KCNMB2: variants seen among roughly 807,000 people sequenced by gnomAD.
KCNMB2 encodes the protein calcium-activated potassium channel subunit beta-2.
Under a neutral mutation model 24.5 loss-of-function variants are expected in KCNMB2, and 9 were observed. The ratio of observed to expected loss-of-function variants is 0.37; its 90% confidence interval spans 0.22 to 0.64. The LOEUF (loss-of-function observed/expected upper bound fraction) is 0.64. KCNMB2 is among the 30% of genes least tolerant of loss of function. The pLI is 0.63. For synonymous variants in KCNMB2, 109 were observed against 104.4 expected (o/e 1.04, Z -0.27); for missense variants, 226 against 284.3 (o/e 0.79, Z 1.47).
intron 1 of KCNMB2, among the ~76,000 whole-genome samples, chr3:178,673,428 A>G (rs1392950560): frequency 6.6e-6 from 1 of 152,030 alleles, no homozygotes; most frequent in Admixed American, 6.5e-5. Context: ...CTCTCAGCTA[A>G]TGACCTTAAT....
intron 1 of KCNMB2, among the ~76,000 whole-genome samples, chr3:178,629,324 A>G (rs903942856): frequency 6.6e-6 from 1 of 152,222 alleles, no homozygotes; most frequent in African/African-American, 2.4e-5. Context: ...GCAAGGATAA[A>G]CTAAATGCAA....
intron 1 of KCNMB2, among the ~76,000 whole-genome samples, chr3:178,588,646 T>C (rs1485014568): frequency 2.0e-5 from 3 of 152,126 alleles, no homozygotes; most frequent in Non-Finnish European, 4.4e-5. Context: ...ATATCATATG[T>C]ATATATGAGT....
intron 1 of KCNMB2, among the ~76,000 whole-genome samples, chr3:178,638,780 G>C (rs914251102): frequency 7.2e-5 from 11 of 152,250 alleles, no homozygotes; most frequent in Middle Eastern, 3.4e-3. Context: ...CAATTAGAGG[G>C]GTTGTTTAGA....
Position 178,758,621 on chromosome 3 carries a change from T to TATATATATCTCTCTCTCTCCAAGAGG in KCNMB2, c.-67-48714_-67-48713insCTCTCTCTCTCCAAGAGGATATATAT, listed in dbSNP as rs1711500783. Among the ~76,000 whole-genome samples, 5 of 72,400 alleles carry TATATATATCTCTCTCTCTCCAAGAGG rather than the reference T, an allele frequency of 6.9e-5. 1 individual carries two copies. The highest frequency in any genetic ancestry group is 2.1e-4 in the African/African-American group (4 of 19,226). The allele number at this position is 72,400 out of a possible 152,430, so 47.5% of individuals were successfully genotyped here. ...ATATATATATCTCCAAGAGGATATATATATATATATCTCTCTCTCCAAGAG... is the reference window on the plus strand; with the variant it reads ...ATATATATATCTCCAAGAGGATATATATATATATCTCTCTCTCTCCAAGAGGATATATATATCTCTCTCTCCAAGAG... On this transcript the variant is annotated intron_variant, in intron 1 of 4. Transcript: ENST00000452583.
chr3:178,753,761 A>G (rs1723926837), intron 1 of KCNMB2, among the ~76,000 whole-genome samples: 1 of 152,156 alleles, frequency 6.6e-6, no homozygotes, highest in South Asian at 2.1e-4. Context: ...TAATTAACAT[A>G]TTCATTACCT....
intron 1 of KCNMB2, among the ~76,000 whole-genome samples, chr3:178,779,982 A>G (rs1712756466): frequency 6.6e-6 from 1 of 151,550 alleles, no homozygotes; most frequent in African/African-American, 2.4e-5. Context: ...CTTTTCCTAT[A>G]CTTACCAGGT....
chr3:178,709,976 C>A (rs1722397427), intron 1 of KCNMB2, among the ~76,000 whole-genome samples: 1 of 152,096 alleles, frequency 6.6e-6, no homozygotes, highest in Admixed American at 6.6e-5. Flanking sequence ...GGATCAACAG[C>A]AATTTATACC....
chr3:178,684,135 G>A (rs1254517410), intron 1 of KCNMB2, among the ~76,000 whole-genome samples: 2 of 151,990 alleles, frequency 1.3e-5, no homozygotes, highest in African/African-American at 2.4e-5. Context: ...TAAAGAAACT[G>A]TTCTATATAT....
intron 1 of KCNMB2, among the ~76,000 whole-genome samples, chr3:178,698,965 C>T (rs1262449622): frequency 6.6e-6 from 1 of 152,214 alleles, no homozygotes; most frequent in Admixed American, 6.5e-5. Context: ...TCTGGCTCTT[C>T]AAGGTTTGGA....
intron 1 of KCNMB2, among the ~76,000 whole-genome samples, chr3:178,563,599 G>A (rs1292766308): frequency 1.3e-5 from 2 of 152,134 alleles, no homozygotes; most frequent in East Asian, 3.8e-4. Flanking sequence ...TTCTCAGACA[G>A]GACTCATCCC....
intron 1 of KCNMB2, among the ~76,000 whole-genome samples, chr3:178,675,014 C>G (rs1386600461): frequency 6.6e-6 from 1 of 152,168 alleles, no homozygotes; most frequent in Non-Finnish European, 1.5e-5. Flanking sequence ...ATGTCCTCTG[C>G]TAATTGTTAA....
intron 1 of KCNMB2, among the ~76,000 whole-genome samples, chr3:178,547,990 G>A (rs778983104): frequency 1.3e-5 from 2 of 152,138 alleles, no homozygotes; most frequent in Non-Finnish European, 2.9e-5. Flanking sequence ...CTCTTCCAAC[G>A]ATAGATCTAA....
intron 2 of KCNMB2, among the ~76,000 whole-genome samples, chr3:178,813,749 T>C (rs1378751404): frequency 6.6e-6 from 1 of 152,252 alleles, no homozygotes; most frequent in Non-Finnish European, 1.5e-5. Context: ...TTTTGGTCTG[T>C]TTAATTCAGC....
At chr3:178,580,245 CA>C (rs1273694859) in intron 1 of KCNMB2, among the ~76,000 whole-genome samples, 1 of 152,190 alleles carries the variant, frequency 6.6e-6, no homozygotes, top group Non-Finnish European at 1.5e-5. Flanking sequence ...CTTAATCCAA[CA>C]CATAACCAGA....
rs115470890 is a variant in KCNMB2, at chr3:178,753,357, G to T, written c.-67-53986G>T. Reference sequence around the variant, plus strand: ...CTGCTTGGGATTGAGTTCTGGCTCTGCCAAACACTGACTGTGTGACCTTGA... The same window carrying T: ...CTGCTTGGGATTGAGTTCTGGCTCTTCCAAACACTGACTGTGTGACCTTGA... On this transcript the variant is annotated intron_variant, in intron 1 of 4. Transcript: ENST00000452583. Among the ~76,000 whole-genome samples the T allele has an allele frequency of 2.6e-3, 391 of 152,320 alleles. 3 individuals carry two copies. Among genetic ancestry groups the T allele is most frequent in the African/African-American group, 9.2e-3 (381 of 41,568 alleles).
At chr3:178,813,764 C>CTGTTT (rs2108457603) in intron 2 of KCNMB2, among the ~76,000 whole-genome samples, 1 of 152,154 alleles carries the variant, frequency 6.6e-6, no homozygotes, top group East Asian at 1.9e-4. Flanking sequence ...TTCAGCCAAA[C>CTGTTT]TAATTAAGTC....
chr3:178,725,405 G>A (rs1039285183), intron 1 of KCNMB2, among the ~76,000 whole-genome samples: 5 of 151,876 alleles, frequency 3.3e-5, no homozygotes, highest in South Asian at 4.2e-4. Context: ...ACCAAAAAAC[G>A]AAAAAGTTAT....
intron 1 of KCNMB2, among the ~76,000 whole-genome samples, chr3:178,697,056 G>A (rs1417111306): frequency 2.0e-5 from 3 of 152,130 alleles, no homozygotes. Flanking sequence ...GTGCCATGTG[G>A]TAATAAGAAG....
At chr3:178,839,803 A>G (rs1169836098) in intron 4 of KCNMB2, among the ~76,000 whole-genome samples, 1 of 152,186 alleles carries the variant, frequency 6.6e-6, no homozygotes, top group Non-Finnish European at 1.5e-5. Context: ...TCCTTCCCTG[A>G]CACGTGGAAA....
Sources: gnomAD v4.1 joint callset for allele counts (sites outside exome capture counted in the v4.1 genomes callset) on GRCh38, gnomAD v4.1.1 for gene constraint, MANE v1.5 for transcripts, NCBI Gene and HGNC (gene_info 2026-07-23, HGNC 2026-07-21) for gene names.